Variants in DNAH10 observed in about 807,000 individuals in gnomAD.
DNAH10 encodes axonemal beta dynein heavy chain 10.
DNAH10 carries 348 observed loss-of-function variants against 506.6 expected under a neutral mutation model. The observed-to-expected ratio is 0.69, with a 90% confidence interval of 0.63 to 0.75. The LOEUF (loss-of-function observed/expected upper bound fraction) is 0.75, where lower values mean the gene tolerates loss of function less well. DNAH10 is among the 30% of genes least tolerant of loss of function. The pLI is 0.00. For missense variants in DNAH10, 5,179 were observed against 5,787.1 expected, an observed-to-expected ratio of 0.89 and a Z score of 3.41; for synonymous variants, 2,059 against 2,198.6, an observed-to-expected ratio of 0.94 and a Z score of 1.78.
At chr12:123,847,821 C>G in intron 32 of DNAH10, 140 bp from the exon 33 acceptor site, 1 of 1,154,312 alleles carries the variant, frequency 8.7e-7, no homozygotes, top group Non-Finnish European at 1.2e-6. Context: ...CATCCTGTGG[C>G]CCAGTCAAGT....
chr12:123,903,933 G>A lies in DNAH10; in HGVS notation c.9815+820G>A, dbSNP rs766362445. 1.8e-4 allele frequency among the ~76,000 whole-genome samples: 28 copies of A among 152,288 alleles called. No homozygotes were observed. The highest frequency in any genetic ancestry group is 5.9e-4 in the Admixed American group (9 of 15,296). On this transcript the variant is annotated intron_variant, in intron 57 of 78. Coordinates refer to ENST00000673944, the MANE Select transcript of DNAH10 (RefSeq NM_001372106.1). The surrounding 1 kb of genome is among the most constrained non-coding windows in gnomAD (Gnocchi z 4.6). ...CTTCCTGGCCCCACACACGGGTCTC[G>A]CAGCCGAGAGGCTCCGTTCCTGGGT...
chr12:123,804,344 T>G (rs1015337285), intron 17 of DNAH10, among the ~76,000 whole-genome samples: 3 of 152,042 alleles, frequency 2.0e-5, no homozygotes, highest in African/African-American at 7.3e-5. Flanking sequence ...GCTAACACGG[T>G]GAAACCCTGT....
intron 5 of DNAH10, among the ~76,000 whole-genome samples, chr12:123,780,869 C>T (rs1003984398): frequency 6.9e-6 from 1 of 145,946 alleles, no homozygotes; most frequent in African/African-American, 2.6e-5. Flanking sequence ...GAATCGCTTG[C>T]ACTGGTGAGG....
chr12:123,924,480 A>C, intron 67 of DNAH10, 48 bp downstream of exon 67: 1 of 1,596,534 alleles, frequency 6.3e-7, no homozygotes, highest in South Asian at 1.1e-5. Flanking sequence ...ACATGTCAAC[A>C]ATCTCCAAAC....
chr12:123,823,317 G>A (rs889840179), intron 24 of DNAH10, among the ~76,000 whole-genome samples: 2 of 152,214 alleles, frequency 1.3e-5, no homozygotes, highest in African/African-American at 4.8e-5. Flanking sequence ...CGAAGCGGCC[G>A]GTGGAGATGA....
chr12:123,762,479 G>A lies in DNAH10; in HGVS notation c.143G>A (p.Ser48Asn), dbSNP rs1408516410. The A allele has an allele frequency of 1.3e-6, 2 of 1,509,848 alleles. No individual in the cohort carries two copies. Among genetic ancestry groups the A allele is most frequent in the South Asian group, 1.3e-5 (1 of 79,380 alleles). 93.5% of individuals were successfully genotyped at this position (1,509,848 alleles called of 1,614,324 possible). A position where few individuals can be genotyped will look rare whatever the true frequency, so the allele number is the denominator to read the frequency against. ...ATCTTGCACTTCCTCAACCAGGCGA[G>A]CGAGGAGGAGGGGCCCTCGGCGCTC... is the stretch of plus-strand genomic sequence containing the variant. ...DLILHFLNQASEEEGPSALFI... is the reference protein window; with the variant it reads ...DLILHFLNQANEEEGPSALFI... Residue 48 changes from serine to asparagine, a missense_variant, in exon 1 of 79, where the codon AGC (serine) becomes AAC (asparagine). Ser to Asn is a conservative substitution (Grantham distance 46). Coordinates refer to ENST00000673944, the MANE Select transcript of DNAH10 (RefSeq NM_001372106.1). The surrounding 1 kb of genome is among the most constrained non-coding windows in gnomAD (Gnocchi z 5.0).
At chr12:123,807,116 TCATCCATCCATCCATCATC>T (rs1958709296) in intron 18 of DNAH10, among the ~76,000 whole-genome samples, 8 of 152,206 alleles carry the variant, frequency 5.3e-5, no homozygotes, top group Non-Finnish European at 4.4e-5. Flanking sequence ...ATTCATTTGT[TCATCCATCCATCCATCATC>T]CATCCATCCA....
In DNAH10 at chr12:123,767,649, G is replaced by T. The variant is rs1957096848; in HGVS notation, c.258G>T (p.Glu86Asp). The T allele has an allele frequency of 6.2e-7, 1 of 1,612,976 alleles. No homozygotes were observed. Among genetic ancestry groups the T allele is most frequent in the South Asian group, 1.1e-5 (1 of 90,714 alleles). ...VLSEEGEEEE[E>D]TYSQKVESVD... is the part of the protein sequence containing the mutation. ...CTGAAGAGGGAGAAGAGGAAGAAGA[G>T]ACTTATTCTCAAAAAGTGGAGTCCG... Residue 86 changes from glutamate (E) to aspartate (D), a missense_variant, in exon 2 of 79, where the codon GAG becomes GAT. Around this residue, in one of 3 missense-constraint regions of DNAH10, gnomAD observed 326 missense variants for 330.8 expected, o/e 0.99. Transcript: ENST00000673944.
Position 123,868,129 on chromosome 12 carries a change from G to A in DNAH10, c.7519+10G>A, listed in dbSNP as rs111760412. ...CCTGGGGAACTGCCAGGTGGGAACC[G>A]AGTGTCGCCTGTTTCCCTGCTCTGA... On this transcript the variant is annotated intron_variant, in intron 43 of 78. Transcript: ENST00000673944. 46 of 1,609,682 alleles carry A rather than the reference G, an allele frequency of 2.9e-5. 1 individual carries two copies. The highest frequency in any genetic ancestry group is 2.1e-4 in the African/African-American group (16 of 74,886).
At chr12:123,834,762 G>A (rs1035688159) in intron 27 of DNAH10, among the ~76,000 whole-genome samples, 5 of 152,128 alleles carry the variant, frequency 3.3e-5, no homozygotes, top group African/African-American at 7.2e-5. Context: ...TCATATAAGC[G>A]GAATGACACA....
chr12:123,924,947 G>A, intron 67 of DNAH10, 103 bp from the exon 68 acceptor site: 1 of 1,482,920 alleles, frequency 6.7e-7, no homozygotes, highest in African/African-American at 1.4e-5. Flanking sequence ...GTACACCTAT[G>A]GATTCTCGTC....
At chr12:123,799,555 C>T (rs1363510379) in intron 14 of DNAH10, among the ~76,000 whole-genome samples, 184 bp downstream of exon 14, 3 of 152,088 alleles carry the variant, frequency 2.0e-5, no homozygotes, top group Non-Finnish European at 4.4e-5. Flanking sequence ...GGCTAGGACG[C>T]GGGCTGGAAA....
chr12:123,866,078 A>G lies in DNAH10; in HGVS notation c.7167+5A>G, dbSNP rs758343486. On this transcript the variant is annotated splice_donor_5th_base_variant and intron_variant, in intron 41 of 78. Transcript: ENST00000673944. ...GTTAATCAAATACCAAACAAGGTGAAATTTTTTTCTAAAATGAACTTAAAT... is the reference window on the plus strand; with the variant it reads ...GTTAATCAAATACCAAACAAGGTGAGATTTTTTTCTAAAATGAACTTAAAT... The G allele has an allele frequency of 6.3e-6, 10 of 1,597,222 alleles. No homozygotes were observed. Among genetic ancestry groups the G allele is most frequent in the Non-Finnish European group, 8.5e-6 (10 of 1,172,878 alleles).
intron 65 of DNAH10, among the ~76,000 whole-genome samples, chr12:123,921,284 G>C (rs1954710044): frequency 6.6e-6 from 1 of 152,182 alleles, no homozygotes; most frequent in African/African-American, 2.4e-5. Context: ...CAGCCTTCGT[G>C]GAACCAAGTG....
At chr12:123,886,317 G>A (rs1281056278) in intron 51 of DNAH10, among the ~76,000 whole-genome samples, 1 of 152,160 alleles carries the variant, frequency 6.6e-6, no homozygotes, top group Admixed American at 6.5e-5. Flanking sequence ...GCGAGGGTTG[G>A]GTAGTGGGGT....
intron 54 of DNAH10, among the ~76,000 whole-genome samples, chr12:123,896,144 CACACAGAGAG>C (rs1376326806): frequency 4.8e-4 from 53 of 110,668 alleles, no homozygotes; most frequent in African/African-American, 2.0e-3. Flanking sequence ...CACACACACA[CACACAGAGAG>C]AGAGAGAGAG....
Position 123,877,907 on chromosome 12 carries a change from C to G in DNAH10, c.8371C>G (p.Arg2791Gly). Residue 2791 changes from arginine (R) to glycine (G), a missense_variant and splice_region_variant, in exon 48 of 79, where the codon CGA becomes GGA. Coordinates refer to ENST00000673944, the MANE Select transcript of DNAH10 (RefSeq NM_001372106.1). ...TGGTCTTGTCCTCACTAACCCGGAG[C>G]GGTGAGTTTGATTTATCTTACTAAA... ...FNGLVLTNPE[R>G]FQTVAQMVRV... The G allele has an allele frequency of 6.2e-7, 1 of 1,612,918 alleles. No homozygotes were observed. The highest frequency in any genetic ancestry group is 8.5e-7 in the Non-Finnish European group (1 of 1,179,498).
At chr12:123,776,241 A>G (rs1260264569) in intron 5 of DNAH10, among the ~76,000 whole-genome samples, 1 of 152,098 alleles carries the variant, frequency 6.6e-6, no homozygotes, top group Non-Finnish European at 1.5e-5. Flanking sequence ...CAGTGTGAGG[A>G]ATGCCTTGAG....
At chr12:123,857,417 T>A (rs960052278) in intron 37 of DNAH10, among the ~76,000 whole-genome samples, 170 bp downstream of exon 37, 4 of 152,240 alleles carry the variant, frequency 2.6e-5, no homozygotes, top group Non-Finnish European at 5.9e-5. Flanking sequence ...ATATTTACCA[T>A]CTTACCTACT....
Sources: allele counts gnomAD v4.1 joint callset (sites outside exome capture counted in the v4.1 genomes callset), GRCh38; gene constraint gnomAD v4.1.1; regional missense constraint gnomAD v4.1.1; non-coding constraint Gnocchi (gnomAD v3.1); transcripts MANE v1.5; gene names NCBI Gene and HGNC (gene_info 2026-07-23, HGNC 2026-07-21).